The following BRINP3 variants were observed in gnomAD, a reference collection of about 807,000 sequenced individuals.
BRINP3 encodes the protein BMP/retinoic acid inducible neural specific 3, also known as BMP/retinoic acid-inducible neural-specific protein 3.
In BRINP3, 19 loss-of-function variants were observed where a neutral mutation model predicts 71.0. The ratio of observed to expected loss-of-function variants is 0.27; its 90% CI spans 0.19 to 0.39. The LOEUF (loss-of-function observed/expected upper bound fraction) is 0.39. Ranked by LOEUF, BRINP3 falls within the 10% of genes least tolerant of loss-of-function variation. The probability of loss-of-function intolerance (pLI) is 1.00; values close to 1 mark genes in which losing one functional copy is unlikely to be tolerated. For missense variants in BRINP3, 959 were observed against 940.8 expected (o/e 1.02, Z -0.25); for synonymous variants, 380 against 337.7 (o/e 1.13, Z -1.37).
At chr1:190,259,889 C>T (rs535004963) in intron 4 of BRINP3, among the ~76,000 whole-genome samples, 5 of 151,244 alleles carry the variant, frequency 3.3e-5, no homozygotes, top group African/African-American at 4.8e-5. Flanking sequence ...ATTAGCCAGG[C>T]GTGGTGGCAG....
chr1:190,199,822 T>A (rs1654842245), intron 6 of BRINP3, among the ~76,000 whole-genome samples: 1 of 151,728 alleles, frequency 6.6e-6, no homozygotes, highest in African/African-American at 2.4e-5. Context: ...CCTAACCATT[T>A]TTCTTTTTTC....
At chr1:190,146,270 T>C (rs1325743472) in intron 7 of BRINP3, among the ~76,000 whole-genome samples, 1 of 152,158 alleles carries the variant, frequency 6.6e-6, no homozygotes, top group African/African-American at 2.4e-5. Context: ...ATAAAATAAA[T>C]GACCTAATCT....
At chr1:190,200,279 G>A (rs954149281) in intron 6 of BRINP3, among the ~76,000 whole-genome samples, 1 of 152,068 alleles carries the variant, frequency 6.6e-6, no homozygotes, top group Non-Finnish European at 1.5e-5. Flanking sequence ...TTATGCCAAA[G>A]TCTATTGTCT....
intron 3 of BRINP3, among the ~76,000 whole-genome samples, chr1:190,267,151 C>T (rs929119167): frequency 2.6e-5 from 4 of 152,040 alleles, no homozygotes; most frequent in African/African-American, 9.7e-5. Flanking sequence ...TAAGGTAGAT[C>T]TTATCAATAA....
intron 6 of BRINP3, among the ~76,000 whole-genome samples, chr1:190,212,213 C>T (rs1831782): frequency 0.59 from 89,848 of 151,858 alleles, 26,799 homozygotes; most frequent in Admixed American, 0.69. Flanking sequence ...AATTATATGA[C>T]TGTTAATTTA....
chr1:190,278,872 A>T (rs898757512), intron 3 of BRINP3, among the ~76,000 whole-genome samples: 1 of 151,600 alleles, frequency 6.6e-6, no homozygotes, highest in South Asian at 2.1e-4. Flanking sequence ...CAAAAAAAAA[A>T]CATGCAAAAC....
chr1:190,161,451 G>A (rs893578931), intron 6 of BRINP3, among the ~76,000 whole-genome samples: 5 of 151,334 alleles, frequency 3.3e-5, no homozygotes, highest in East Asian at 1.9e-4. Context: ...AATTATAACC[G>A]ATCTTATTTT....
At chr1:190,345,479 G>A (rs1389054348) in intron 2 of BRINP3, among the ~76,000 whole-genome samples, 1 of 150,894 alleles carries the variant, frequency 6.6e-6, no homozygotes, top group African/African-American at 2.4e-5. Flanking sequence ...ATTTTTGCTT[G>A]GAAATACAAT....
At chr1:190,234,288 T>A in intron 5 of BRINP3, 84 bp downstream of exon 5, 5 of 973,548 alleles carry the variant, frequency 5.1e-6, no homozygotes, top group Non-Finnish European at 7.7e-6. Flanking sequence ...TATATGCAGT[T>A]TACTTTAAAA....
At chr1:190,187,149 T>C (rs373295573) in intron 6 of BRINP3, among the ~76,000 whole-genome samples, 55 of 152,318 alleles carry the variant, frequency 3.6e-4, no homozygotes, top group Middle Eastern at 3.4e-3. Flanking sequence ...TTAATTCATA[T>C]GCCTATTGGC....
intron 7 of BRINP3, 78 bp downstream of exon 7, chr1:190,160,590 A>G: frequency 8.6e-7 from 1 of 1,164,270 alleles, no homozygotes. Flanking sequence ...ATATTAACAC[A>G]CCTGCATTCA....
At chr1:190,344,466 A>G (rs1190410165) in intron 2 of BRINP3, among the ~76,000 whole-genome samples, 1 of 56,892 alleles carries the variant, frequency 1.8e-5, no homozygotes, top group African/African-American at 3.7e-5. Flanking sequence ...TTTTCAGTGC[A>G]AACATAAGTA....
At chr1:190,333,912 C>T (rs902385313) in intron 2 of BRINP3, among the ~76,000 whole-genome samples, 2 of 151,838 alleles carry the variant, frequency 1.3e-5, no homozygotes, top group Non-Finnish European at 2.9e-5. Context: ...TACTTGACAG[C>T]CCTTCAAATA....
At chr1:190,307,379 A>T (rs1356738300) in intron 2 of BRINP3, among the ~76,000 whole-genome samples, 2 of 142,238 alleles carry the variant, frequency 1.4e-5, no homozygotes, top group African/African-American at 5.3e-5. Flanking sequence ...AATTATTCTC[A>T]TGACTCAGCC....
intron 2 of BRINP3, among the ~76,000 whole-genome samples, chr1:190,358,663 T>C (rs1008826843): frequency 2.0e-5 from 3 of 152,116 alleles, no homozygotes; most frequent in Non-Finnish European, 4.4e-5. Context: ...CATTACTAGG[T>C]ATATACCCAA....
intron 4 of BRINP3, among the ~76,000 whole-genome samples, chr1:190,251,560 G>A (rs561686080): frequency 1.3e-5 from 2 of 151,794 alleles, no homozygotes; most frequent in African/African-American, 4.8e-5. Flanking sequence ...CTGAACCAAG[G>A]GGTATGTACA....
At chr1:190,204,194 T>C (rs967262437) in intron 6 of BRINP3, among the ~76,000 whole-genome samples, 1 of 151,862 alleles carries the variant, frequency 6.6e-6, no homozygotes, top group African/African-American at 2.4e-5. Flanking sequence ...CCAGAAAAAC[T>C]TTGTAAAATA....
In BRINP3 at chr1:190,348,442, G is replaced by T. The variant is rs2419064; in HGVS notation, c.237-66692C>A. 8.8e-3 allele frequency among the ~76,000 whole-genome samples: 1,335 copies of T among 152,122 alleles called. 13 individuals are homozygous for T. Among genetic ancestry groups the T allele is most frequent in the African/African-American group, 0.03 (1,225 of 41,500 alleles). ...TCACCTCCAAATAATTCAGGTCTGT[G>T]GTCAGATCCTTTACACGAAATAAAT... is the stretch of plus-strand genomic sequence containing the variant. On this transcript the variant is annotated intron_variant, in intron 2 of 7. Transcript: ENST00000367462.
intron 3 of BRINP3, among the ~76,000 whole-genome samples, chr1:190,267,009 C>T (rs1421067178): frequency 3.3e-5 from 5 of 152,104 alleles, no homozygotes; most frequent in African/African-American, 1.2e-4. Flanking sequence ...GTTGCTTTAA[C>T]AGCAACACTT....
Sources: allele counts gnomAD v4.1 joint callset (sites outside exome capture counted in the v4.1 genomes callset), GRCh38; gene constraint gnomAD v4.1.1; transcripts MANE v1.5; gene names NCBI Gene and HGNC (gene_info 2026-07-23, HGNC 2026-07-21).